Variants in GRIN2B observed in about 807,000 individuals in gnomAD.
The protein encoded by GRIN2B is glutamate ionotropic receptor NMDA type subunit 2B.
A neutral mutation model predicts 114.5 loss-of-function variants in GRIN2B; 5 were observed. The observed-to-expected ratio is 0.04, with a 90% CI of 0.02 to 0.09. The LOEUF (loss-of-function observed/expected upper bound fraction) is 0.09, where lower values mean the gene tolerates loss of function less well. Ranked by LOEUF, GRIN2B falls within the 10% of genes least tolerant of loss-of-function variation. The pLI, the probability that GRIN2B is intolerant of heterozygous loss-of-function variation, is 1.00. For missense variants in GRIN2B, 1,108 were observed against 1,943.5 expected, an observed-to-expected ratio of 0.57 and a Z score of 8.08; for synonymous variants, 787 against 745.1, an observed-to-expected ratio of 1.06 and a Z score of -0.92.
chr12:13,872,996 T>C (rs1865935521), intron 2 of GRIN2B, among the ~76,000 whole-genome samples: 1 of 152,220 alleles, frequency 6.6e-6, no homozygotes, highest in Non-Finnish European at 1.5e-5. Context: ...TATAAATTTA[T>C]TCTAAAATGT....
intron 5 of GRIN2B, among the ~76,000 whole-genome samples, chr12:13,628,459 A>C (rs1949590571): frequency 6.6e-6 from 1 of 152,256 alleles, no homozygotes; most frequent in African/African-American, 2.4e-5. Flanking sequence ...ATGTTTAAAG[A>C]AAAGTTTACT....
chr12:13,610,075 T>C (rs1267373507), intron 9 of GRIN2B: 1 of 152,228 alleles, frequency 6.6e-6, no homozygotes, highest in Non-Finnish European at 1.5e-5. Context: ...TGATGTAATC[T>C]GTGATCCTGA....
chr12:13,836,826 C>T (rs149853062), intron 3 of GRIN2B, among the ~76,000 whole-genome samples: 1 of 152,276 alleles, frequency 6.6e-6, no homozygotes, highest in Admixed American at 6.5e-5. Flanking sequence ...TGGTCCCATG[C>T]CTCATGGCAC....
At chr12:13,866,301 G>A (rs1340959815) in intron 2 of GRIN2B, 75 bp from the exon 3 acceptor site, 3 of 1,261,012 alleles carry the variant, frequency 2.4e-6, no homozygotes, top group African/African-American at 1.5e-5. Context: ...GCTAGATACT[G>A]CAATTCAAGG....
At chr12:13,665,157 GTGTGTGTGTT>G (rs1157045696) in intron 5 of GRIN2B, among the ~76,000 whole-genome samples, 1 of 54,936 alleles carries the variant, frequency 1.8e-5, no homozygotes, top group African/African-American at 5.6e-5. Context: ...TTGTGTGTGT[GTGTGTGTGTT>G]TGTGTGTGTG....
intron 8 of GRIN2B, among the ~76,000 whole-genome samples, chr12:13,613,400 A>G (rs956122735): frequency 2.6e-5 from 4 of 152,142 alleles, no homozygotes; most frequent in Non-Finnish European, 4.4e-5. Flanking sequence ...TTCATTAGGG[A>G]TTACCTTATC....
intron 3 of GRIN2B, among the ~76,000 whole-genome samples, chr12:13,829,165 A>G (rs531798680): frequency 6.6e-6 from 1 of 152,298 alleles, no homozygotes; most frequent in Admixed American, 6.5e-5. Context: ...AACACACAAT[A>G]CAAATTAGCT....
chr12:13,980,492 C>T (rs1401957504), intron 1 of GRIN2B, 136 bp from the exon 2 acceptor site: 8 of 152,152 alleles, frequency 5.3e-5, no homozygotes, highest in Middle Eastern at 3.4e-3. Flanking sequence ...AGAGTGCACA[C>T]GAGAGGAATT....
chr12:13,684,150 T>C (rs573270666), intron 4 of GRIN2B, among the ~76,000 whole-genome samples: 5 of 152,288 alleles, frequency 3.3e-5, no homozygotes, highest in African/African-American at 1.2e-4. Context: ...CAGTGGGCAG[T>C]CACTAAATCA....
At chr12:13,630,700 C>T (rs1050610705) in intron 5 of GRIN2B, among the ~76,000 whole-genome samples, 2 of 152,096 alleles carry the variant, frequency 1.3e-5, no homozygotes, top group Non-Finnish European at 2.9e-5. Context: ...CCCCTGGAGA[C>T]CAACCCAAAA....
intron 2 of GRIN2B, among the ~76,000 whole-genome samples, chr12:13,892,306 G>T (rs917820595): frequency 6.6e-6 from 1 of 152,156 alleles, no homozygotes; most frequent in Non-Finnish European, 1.5e-5. Flanking sequence ...CCCAATGGCC[G>T]AGTTCTAATT....
chr12:13,912,403 G>A (rs952484020), intron 2 of GRIN2B, among the ~76,000 whole-genome samples: 1 of 152,182 alleles, frequency 6.6e-6, no homozygotes, highest in African/African-American at 2.4e-5. Context: ...GCATTTAAAG[G>A]AAATGATGGG....
Position 13,547,622 on chromosome 12 carries a change from GA to G in GRIN2B, c.*15160del, listed in dbSNP as rs1948359473. ...AAACAATAATTGGCCTAGGAGATGGGAGTTTTGTTCTTGGTCTTAGTTGTCT... is the reference window on the plus strand; with the variant it reads ...AAACAATAATTGGCCTAGGAGATGGGGTTTTGTTCTTGGTCTTAGTTGTCT... On this transcript the variant is annotated 3_prime_UTR_variant, in exon 14 of 14. Transcript: ENST00000609686. 1.3e-5 allele frequency: 2 copies of G among 152,224 alleles called. No individual in the cohort carries two copies. Among genetic ancestry groups the G allele is most frequent in the Non-Finnish European group, 2.9e-5 (2 of 68,016 alleles). The allele number at this position is 152,224 out of a possible 1,614,324, so 9.4% of individuals were successfully genotyped here.
At chr12:13,757,080 C>G (rs1591714465) in intron 3 of GRIN2B, among the ~76,000 whole-genome samples, 2 of 152,168 alleles carry the variant, frequency 1.3e-5, no homozygotes, top group African/African-American at 4.8e-5. Context: ...TTTCCTGATT[C>G]CTCTGCTCCG....
chr12:13,563,097 G>A lies in GRIN2B; in HGVS notation c.4141C>T (p.Arg1381Trp), dbSNP rs1217004951. 3.7e-6 allele frequency: 6 copies of A among 1,614,058 alleles called. No homozygotes were observed. Among genetic ancestry groups the A allele is most frequent in the East Asian group, 2.2e-5 (1 of 44,884 alleles). The change falls in exon 14 of 14, where the codon CGG (arginine) becomes TGG (tryptophan). Residue 1381 changes from arginine (R) to tryptophan (W), a missense_variant. Around this residue, in one of 19 missense-constraint regions of GRIN2B, gnomAD observed 478 missense variants for 506.0 expected, o/e 0.94. Transcript: ENST00000609686. ...GGGATGAAAGGGTTTTGCGTGACCC[G>A]GTCAGGGTAGAGCGACTTGCTGAGC... ...YMLSKSLYPDRVTQNPFIPTF... is the reference protein window; with the variant it reads ...YMLSKSLYPDWVTQNPFIPTF...
rs531198416 is a variant in GRIN2B at position 13,539,524 on chromosome 12, A to G, written c.*23259T>C. 4 of 152,358 alleles carry G rather than the reference A, an allele frequency of 2.6e-5. No homozygotes were observed. In the East Asian group the frequency reaches 7.7e-4, roughly 29 times the overall value. 9.4% of individuals were successfully genotyped at this position (152,358 alleles called of 1,614,324 possible). A position where few individuals can be genotyped will look rare whatever the true frequency, so the allele number is the denominator to read the frequency against. On this transcript the variant is annotated 3_prime_UTR_variant, in exon 14 of 14. Transcript: ENST00000609686. ...TTTAGAATCCATATATAAAGCCAGTAACAGGACTGGGACTGGGAGTGGGGT... is the reference window on the plus strand; with the variant it reads ...TTTAGAATCCATATATAAAGCCAGTGACAGGACTGGGACTGGGAGTGGGGT...
At chr12:13,730,183 T>C (rs1469761667) in intron 4 of GRIN2B, among the ~76,000 whole-genome samples, 1 of 152,116 alleles carries the variant, frequency 6.6e-6, no homozygotes, top group Non-Finnish European at 1.5e-5. Context: ...ATTGCTCAGA[T>C]TTCATATAGA....
chr12:13,855,596 G>A (rs1022749801), intron 3 of GRIN2B, among the ~76,000 whole-genome samples: 3 of 152,082 alleles, frequency 2.0e-5, no homozygotes, highest in East Asian at 3.9e-4. Flanking sequence ...TTCCTAGCTT[G>A]TAGCTCAACA....
At chr12:13,572,110 TAC>T (rs1352390173) in intron 10 of GRIN2B, 146 bp from the exon 11 acceptor site, 8 of 695,250 alleles carry the variant, frequency 1.2e-5, no homozygotes, top group African/African-American at 1.1e-4. Flanking sequence ...ATTCACCGAA[TAC>T]ATTAGCCCTC....
Sources: gnomAD v4.1 joint callset for allele counts (sites outside exome capture counted in the v4.1 genomes callset) on GRCh38, gnomAD v4.1.1 for gene constraint, gnomAD v4.1.1 regional missense constraint, MANE v1.5 for transcripts, NCBI Gene and HGNC (gene_info 2026-07-23, HGNC 2026-07-21) for gene names.